Variants in FBXL3 observed in about 807,000 individuals in gnomAD.
FBXL3 encodes F-box/LRR-repeat protein 3.
FBXL3 carries 14 observed loss-of-function variants against 37.9 expected under a neutral mutation model. That is an observed-to-expected ratio of 0.37 (90% confidence interval 0.24 to 0.58). FBXL3 has a LOEUF of 0.58. Among genes scored for constraint, FBXL3 ranks in the 20% least tolerant of loss-of-function variants. The probability of loss-of-function intolerance (pLI) is 0.74; values close to 1 mark genes in which losing one functional copy is unlikely to be tolerated. For missense variants in FBXL3, 327 were observed against 511.1 expected (o/e 0.64, Z 3.47); for synonymous variants, 194 against 180.1 (o/e 1.08, Z -0.62).
At chr13:77,007,826 A>G (rs760554816) in intron 4 of FBXL3, 38 bp from the exon 5 acceptor site, 5 of 1,515,420 alleles carry the variant, frequency 3.3e-6, no homozygotes, top group East Asian at 4.5e-5. Context: ...AGTTTTTGTA[A>G]AAGTTTATCT....
chr13:77,026,353 G>C, intron 1 of FBXL3: 1 of 985,230 alleles, frequency 1.0e-6, no homozygotes, highest in Non-Finnish European at 1.2e-6. Context: ...CCCACCGACT[G>C]GCTTCCCCTG....
intron 4 of FBXL3, chr13:77,014,648 T>C (rs2034612586): frequency 6.6e-6 from 1 of 152,258 alleles, no homozygotes; most frequent in African/African-American, 2.4e-5. Flanking sequence ...GAAGTGTTTT[T>C]GTAAAGATCA....
chr13:77,026,986 C>G lies in FBXL3; in HGVS notation c.-161G>C, dbSNP rs1054023866. ...CCGCCCGCATCCGAGGCGCTGGTCC[C>G]GCGGAGGGCGCCAACGCGGCTCCAC... On this transcript the variant is annotated 5_prime_UTR_variant, in exon 1 of 5. Coordinates refer to ENST00000355619, the MANE Select transcript of FBXL3 (RefSeq NM_012158.4). 2 of 151,898 alleles carry G rather than the reference C, an allele frequency of 1.3e-5. No individual in the cohort carries two copies. The highest frequency in any genetic ancestry group is 2.9e-5 in the Non-Finnish European group (2 of 67,994). 9.4% of individuals were successfully genotyped at this position (151,898 alleles called of 1,614,324 possible). A position where few individuals can be genotyped will look rare whatever the true frequency, so the allele number is the denominator to read the frequency against.
rs2034643622 is a variant in FBXL3 at position 77,016,432 on chromosome 13, C to G, written c.472-852G>C. On this transcript the variant is annotated intron_variant, in intron 3 of 4. Transcript: ENST00000355619. ...AGGCTAATACATGGTCTAACACATT[C>G]CTCTCTACAAAACCAACTTCATGCT... The G allele has an allele frequency of 1.3e-5, 2 of 152,192 alleles. 1 individual carries two copies. Among genetic ancestry groups the G allele is most frequent in the South Asian group, 4.1e-4 (2 of 4,830 alleles). The allele number at this position is 152,192 out of a possible 1,614,324, so 9.4% of individuals were successfully genotyped here.
Position 77,026,917 on chromosome 13 carries a change from C to G in FBXL3, c.-92G>C, listed in dbSNP as rs530025281. The G allele has an allele frequency of 0.01, 1,585 of 151,864 alleles. 32 individuals carry two copies. The highest frequency in any genetic ancestry group is 0.037 in the African/African-American group (1,522 of 41,476). The allele number at this position is 151,864 out of a possible 1,614,324, so 9.4% of individuals were successfully genotyped here. A position where few individuals can be genotyped will look rare whatever the true frequency, so the allele number is the denominator to read the frequency against. ...CCCGCGGCTCTCACATGAGGCGCCC[C>G]TGGCCCCCCGCTTCGCGCTCCCGCA... is the stretch of plus-strand genomic sequence containing the variant. On this transcript the variant is annotated 5_prime_UTR_variant, in exon 1 of 5. Coordinates refer to ENST00000355619, the MANE Select transcript of FBXL3 (RefSeq NM_012158.4).
intron 4 of FBXL3, among the ~76,000 whole-genome samples, chr13:77,011,553 C>T (rs2034553363): frequency 6.6e-6 from 1 of 151,874 alleles, no homozygotes; most frequent in South Asian, 2.1e-4. Flanking sequence ...AAAACCCCAT[C>T]TCTACAAAAA....
rs754533252 is a variant in FBXL3 at position 77,007,685 on chromosome 13, A to G, written c.747T>C (p.His249=). ...CAATGCGCAAATGTTCTAATCGAACATGTTTTTCAGAAGACAATGCAAGTA... is the reference window on the plus strand; with the variant it reads ...CAATGCGCAAATGTTCTAATCGAACGTGTTTTTCAGAAGACAATGCAAGTA... ...ELLLALSSEK[H]VRLEHLRIDV... The change falls in exon 5 of 5, where the codon CAT becomes CAC. Residue 249 remains histidine, a synonymous_variant. Coordinates refer to ENST00000355619, the MANE Select transcript of FBXL3 (RefSeq NM_012158.4). 5.6e-6 allele frequency: 9 copies of G among 1,614,224 alleles called. No individual in the cohort carries two copies. In the Admixed American group the frequency reaches 1.5e-4, roughly 27 times the overall value.
intron 4 of FBXL3, chr13:77,009,267 AAG>A (rs1273958776): frequency 6.6e-6 from 1 of 152,218 alleles, no homozygotes; most frequent in African/African-American, 2.4e-5. Context: ...GTCACCAGAA[AAG>A]AGAGTAATGT....
At chr13:77,017,631 T>C (rs2034668128) in intron 3 of FBXL3, 1 of 152,176 alleles carries the variant, frequency 6.6e-6, no homozygotes, top group Non-Finnish European at 1.5e-5. Flanking sequence ...CTTAGGATCT[T>C]AAAATATTAA....
chr13:77,011,344 C>CAAAAAAAAAAAA (rs34255078), intron 4 of FBXL3, among the ~76,000 whole-genome samples: 2 of 74,936 alleles, frequency 2.7e-5, no homozygotes, highest in African/African-American at 9.9e-5. Flanking sequence ...ACTTTGTCTC[C>CAAAAAAAAAAAA]AAAAAAAAAA....
Position 77,006,691 on chromosome 13 carries a change from C to T in FBXL3, c.*454G>A. 1 of 424,434 alleles carries T rather than the reference C, an allele frequency of 2.4e-6. No homozygotes were observed. The highest frequency in any genetic ancestry group is 3.2e-6 in the Non-Finnish European group (1 of 316,236). The allele number at this position is 424,434 out of a possible 1,614,324, so 26.3% of individuals were successfully genotyped here. A position where few individuals can be genotyped will look rare whatever the true frequency, so the allele number is the denominator to read the frequency against. On this transcript the variant is annotated 3_prime_UTR_variant, in exon 5 of 5. Coordinates refer to ENST00000355619, the MANE Select transcript of FBXL3 (RefSeq NM_012158.4). ...CATTAGATATGATATATTCATTTTT[C>T]TCACAAAATGCTCACTTTCCTGAGC... is the stretch of plus-strand genomic sequence containing the variant.
intron 1 of FBXL3, among the ~76,000 whole-genome samples, chr13:77,023,239 A>G (rs933337230): frequency 6.6e-6 from 1 of 152,174 alleles, no homozygotes; most frequent in Non-Finnish European, 1.5e-5. Flanking sequence ...GGCTCACTGC[A>G]GCCTCGACCT....
intron 1 of FBXL3, chr13:77,026,452 C>G (rs1208388219): frequency 7.2e-6 from 6 of 835,454 alleles, no homozygotes; most frequent in African/African-American, 3.7e-5. Flanking sequence ...TAGCCGACGC[C>G]GGGAGAGCCC....
chr13:77,010,487 A>G (rs565719196), intron 4 of FBXL3: 2 of 152,324 alleles, frequency 1.3e-5, no homozygotes, highest in South Asian at 4.1e-4. Flanking sequence ...GGATGGTCCT[A>G]GTCTAATCAT....
chr13:77,015,419 G>C lies in FBXL3; in HGVS notation c.633C>G (p.Val211=), dbSNP rs1281676137. Reference sequence around the variant, plus strand: ...AAAAACACAACATACCTGCTGGAGAGACATGAGGACAGCTGCTCATTTTCA... The same window carrying C: ...AAAAACACAACATACCTGCTGGAGACACATGAGGACAGCTGCTCATTTTCA... ...KLLKMSSCPH[V]SPAGILCVAD... Residue 211 remains valine (V), a synonymous_variant, in exon 4 of 5, where the codon GTC becomes GTG. Transcript: ENST00000355619. 3 of 1,563,712 alleles carry C rather than the reference G, an allele frequency of 1.9e-6. No homozygotes were observed. Among genetic ancestry groups the C allele is most frequent in the Non-Finnish European group, 2.6e-6 (3 of 1,157,576 alleles).
At position 77,005,624 on chromosome 13, in the gene FBXL3, TATC is replaced by T. The variant is rs1429820200; in HGVS notation, c.*1518_*1520del. The T allele has an allele frequency of 2.6e-5, 4 of 152,146 alleles. No homozygotes were observed. The highest frequency in any genetic ancestry group is 5.9e-5 in the Non-Finnish European group (4 of 67,964). The allele number at this position is 152,146 out of a possible 1,614,324, so 9.4% of individuals were successfully genotyped here. On this transcript the variant is annotated 3_prime_UTR_variant, in exon 5 of 5. Coordinates refer to ENST00000355619, the MANE Select transcript of FBXL3 (RefSeq NM_012158.4). Reference sequence around the variant, plus strand: ...TCTCATATGTTGCTGTAGGAGAGCATATCATCACTTTTGGAAAGCAAAAATTAT... The same window carrying T: ...TCTCATATGTTGCTGTAGGAGAGCATATCACTTTTGGAAAGCAAAAATTAT...
rs746200234 is a variant in FBXL3 at position 77,007,545 on chromosome 13, T to C, written c.887A>G (p.Tyr296Cys). The part of the protein sequence containing the change: ...KVNLVMYFFL[Y>C]EEEFDPFFRY... Reference sequence around the variant, plus strand: ...AAAGAAGGGGTCAAATTCTTCTTCATATAAAAAAAAATACATCACTAAGTT... The same window carrying C: ...AAAGAAGGGGTCAAATTCTTCTTCACATAAAAAAAAATACATCACTAAGTT... Residue 296 changes from tyrosine to cysteine, a missense_variant, in exon 5 of 5, where the codon TAT becomes TGT. Coordinates refer to ENST00000355619, the MANE Select transcript of FBXL3 (RefSeq NM_012158.4). 13 of 1,613,926 alleles carry C rather than the reference T, an allele frequency of 8.1e-6. No homozygotes were observed. The highest frequency in any genetic ancestry group is 1.1e-5 in the Non-Finnish European group (13 of 1,179,954).
At chr13:77,026,458 A>G in intron 1 of FBXL3, 2 of 790,864 alleles carry the variant, frequency 2.5e-6, no homozygotes, top group Non-Finnish European at 3.1e-6. Flanking sequence ...ACGCCGGGAG[A>G]GCCCACAGAG....
chr13:77,019,530 C>G (rs1021782620), intron 2 of FBXL3, among the ~76,000 whole-genome samples: 3 of 152,132 alleles, frequency 2.0e-5, no homozygotes, highest in Non-Finnish European at 4.4e-5. Flanking sequence ...TTCAGAGCTA[C>G]TTATAGATAA....
Sources: gnomAD v4.1 joint callset for allele counts (sites outside exome capture counted in the v4.1 genomes callset) on GRCh38, gnomAD v4.1.1 for gene constraint, MANE v1.5 for transcripts, NCBI Gene and HGNC (gene_info 2026-07-23, HGNC 2026-07-21) for gene names.